The following INSC variants were observed in gnomAD, a reference collection of about 807,000 sequenced individuals.
INSC encodes INSC spindle orientation adaptor protein.
A neutral mutation model predicts 58.6 loss-of-function variants in INSC; 67 were observed. That is an observed-to-expected ratio of 1.14 (90% CI 0.94 to 1.40). The LOEUF (loss-of-function observed/expected upper bound fraction) is 1.40, where lower values mean the gene tolerates loss of function less well. Ranked by LOEUF, INSC falls within the 40% of genes most tolerant of loss-of-function variation. The pLI, the probability that INSC is intolerant of heterozygous loss-of-function variation, is 0.00. For missense variants in INSC, 714 were observed against 692.0 expected (o/e 1.03, Z -0.36); for synonymous variants, 262 against 276.1 (o/e 0.95, Z 0.51).
In INSC at chr11:15,225,650, A is replaced by G; in HGVS notation, c.992A>G (p.Lys331Arg). 1 of 1,613,842 alleles carries G rather than the reference A, an allele frequency of 6.2e-7. No individual in the cohort carries two copies. The highest frequency in any genetic ancestry group is 8.5e-7 in the Non-Finnish European group (1 of 1,179,864). The change falls in exon 9 of 13, where the codon AAA becomes AGA. Residue 331 changes from lysine to arginine, a missense_variant and splice_region_variant. Lys to Arg is a conservative substitution (Grantham distance 26, BLOSUM62 2). Transcript: ENST00000379556. The stretch of plus-strand genomic sequence containing the variant: ...TATTTTCTTTCTCTTTGCCATCCAG[A>G]ACTGTGCCAAGAGGCCTCATCAGGG... ...SMEEIVTALV[K>R]LCQEASSGEV...
chr11:15,215,606 C>T lies in INSC; in HGVS notation c.820-5871C>T, dbSNP rs564627058. Among the ~76,000 whole-genome samples, 3 of 152,356 alleles carry T rather than the reference C, an allele frequency of 2.0e-5. No homozygotes were observed. In the East Asian group the frequency reaches 5.8e-4, roughly 29 times the overall value. ...CATCTCCTCCCTGGGCCTCCATTTCCTCATCATTCAGCCCATACTTCATCA... is the reference window on the plus strand; with the variant it reads ...CATCTCCTCCCTGGGCCTCCATTTCTTCATCATTCAGCCCATACTTCATCA... On this transcript the variant is annotated intron_variant, in intron 7 of 12. Coordinates refer to ENST00000379556, the MANE Select transcript of INSC (RefSeq NM_001042536.3).
intron 2 of INSC, among the ~76,000 whole-genome samples, chr11:15,170,133 G>A (rs904613730): frequency 6.6e-6 from 1 of 152,006 alleles, no homozygotes; most frequent in Non-Finnish European, 1.5e-5. Context: ...TTGTTATACT[G>A]TGTTTTTTGT....
the INSC span, among the ~76,000 whole-genome samples, chr11:15,262,688 A>AC: frequency 1.3e-4 from 19 of 151,142 alleles, no homozygotes; most frequent in South Asian, 4.2e-4. Context: ...ACACACACAC[A>AC]AACAGTATCT....
chr11:15,205,399 A>C (rs543942103), intron 7 of INSC, among the ~76,000 whole-genome samples: 1 of 152,094 alleles, frequency 6.6e-6, no homozygotes, highest in Non-Finnish European at 1.5e-5. Flanking sequence ...GTGAGCTTGG[A>C]TATGTTATCC....
chr11:15,119,177 G>C (rs563788446), intron 1 of INSC, among the ~76,000 whole-genome samples: 1 of 152,214 alleles, frequency 6.6e-6, no homozygotes, highest in Non-Finnish European at 1.5e-5. Flanking sequence ...GGACCTCAAC[G>C]TGATCAGCAT....
At chr11:15,232,634 C>T (rs1851966925) in intron 9 of INSC, among the ~76,000 whole-genome samples, 1 of 152,052 alleles carries the variant, frequency 6.6e-6, no homozygotes, top group Admixed American at 6.6e-5. Context: ...GAATAAGTTA[C>T]TTTATATAGC....
intron 2 of INSC, among the ~76,000 whole-genome samples, chr11:15,173,470 T>A (rs376606784): frequency 6.6e-6 from 1 of 152,122 alleles, no homozygotes; most frequent in Non-Finnish European, 1.5e-5. Flanking sequence ...AGATTAGAAG[T>A]TGTCTGCAAT....
At chr11:15,113,438 C>T (rs1251851305), upstream of INSC, among the ~76,000 whole-genome samples, 3 of 152,122 alleles carry the variant, frequency 2.0e-5, no homozygotes, top group Admixed American at 6.5e-5. Context: ...GGATTACAGG[C>T]GTGAGCCACC....
rs541919420 is a variant in INSC, at chr11:15,128,231, C to T, written c.-46+13228C>T. On this transcript the variant is annotated intron_variant, in intron 1 of 12. Transcript: ENST00000379556. ...GACCCTGTCTTCTGGATTTCTATCC[C>T]GCCAAATGGCTGATTTTTCACTTTG... Among the ~76,000 whole-genome samples the T allele has an allele frequency of 7.9e-5, 12 of 152,284 alleles. No individual in the cohort carries two copies. In the East Asian group the frequency reaches 2.1e-3, roughly 27 times the overall value.
intron 2 of INSC, among the ~76,000 whole-genome samples, chr11:15,158,714 G>T (rs1848903062): frequency 6.6e-6 from 1 of 152,168 alleles, no homozygotes; most frequent in Middle Eastern, 3.4e-3. Flanking sequence ...ATCTGTAAAC[G>T]GGGGTAATAA....
At chr11:15,148,150 T>C (rs1434945784) in intron 1 of INSC, among the ~76,000 whole-genome samples, 3 of 152,236 alleles carry the variant, frequency 2.0e-5, no homozygotes, top group Admixed American at 6.5e-5. Context: ...GCATCCTCAG[T>C]GCTGGGATTG....
At chr11:15,207,408 G>A (rs1850846025) in intron 7 of INSC, among the ~76,000 whole-genome samples, 2 of 152,210 alleles carry the variant, frequency 1.3e-5, no homozygotes, top group Non-Finnish European at 2.9e-5. Flanking sequence ...AGGGGAGAGC[G>A]GGGAGGACGG....
intron 5 of INSC, among the ~76,000 whole-genome samples, chr11:15,185,101 G>A (rs1849916354): frequency 6.6e-6 from 1 of 152,210 alleles, no homozygotes; most frequent in Non-Finnish European, 1.5e-5. Context: ...GATTCTGCAA[G>A]TCAAGGCTTT....
At position 15,150,094 on chromosome 11, in the gene INSC, A is replaced by G. The variant is rs552086317; in HGVS notation, c.56+864A>G. Reference sequence around the variant, plus strand: ...CAGTTCTGATAGGGTGAGGTGAGCAACAGAGAGAGGGTGGTATTTCCTTTA... The same window carrying G: ...CAGTTCTGATAGGGTGAGGTGAGCAGCAGAGAGAGGGTGGTATTTCCTTTA... On this transcript the variant is annotated intron_variant, in intron 2 of 12. Coordinates refer to ENST00000379556, the MANE Select transcript of INSC (RefSeq NM_001042536.3). 3.9e-5 allele frequency among the ~76,000 whole-genome samples: 6 copies of G among 152,278 alleles called. No homozygotes were observed. The East Asian group carries it at 1.2e-3, about 29-fold the overall frequency.
intron 12 of INSC, among the ~76,000 whole-genome samples, chr11:15,243,488 G>C (rs1421077611): frequency 6.6e-6 from 1 of 152,146 alleles, no homozygotes; most frequent in Non-Finnish European, 1.5e-5. Context: ...AGGATGACTA[G>C]CTGTTTAACC....
chr11:15,231,832 A>G (rs1324052033), intron 9 of INSC, among the ~76,000 whole-genome samples: 1 of 152,260 alleles, frequency 6.6e-6, no homozygotes, highest in East Asian at 1.9e-4. Flanking sequence ...TTTGGTCTTC[A>G]GTATTAGTTT....
chr11:15,189,984 C>T (rs573123244), intron 5 of INSC, among the ~76,000 whole-genome samples: 1 of 152,324 alleles, frequency 6.6e-6, no homozygotes, highest in East Asian at 1.9e-4. Flanking sequence ...TGCTTTCCTT[C>T]CTGAACCTCT....
At chr11:15,213,636 A>G (rs1220678237) in intron 7 of INSC, among the ~76,000 whole-genome samples, 3 of 152,138 alleles carry the variant, frequency 2.0e-5, no homozygotes, top group African/African-American at 7.2e-5. Context: ...TACTCAATCC[A>G]TAATTGCTTT....
chr11:15,202,716 C>T (rs568486038), intron 7 of INSC, among the ~76,000 whole-genome samples: 13 of 152,126 alleles, frequency 8.5e-5, no homozygotes, highest in South Asian at 6.2e-4. Flanking sequence ...CTCCAAAAGC[C>T]GATTGTATGG....
Sources: gnomAD v4.1 joint callset for allele counts (sites outside exome capture counted in the v4.1 genomes callset) on GRCh38, gnomAD v4.1.1 for gene constraint, MANE v1.5 for transcripts, NCBI Gene and HGNC (gene_info 2026-07-23, HGNC 2026-07-21) for gene names.